Variants in KAZN observed in about 807,000 individuals in gnomAD.
KAZN encodes the protein kazrin, periplakin interacting protein.
Under a neutral mutation model 87.4 loss-of-function variants are expected in KAZN, and 40 were observed. That is an observed-to-expected ratio of 0.46 (90% CI 0.36 to 0.60). KAZN has a LOEUF of 0.60. Ranked by LOEUF, KAZN falls within the 20% of genes least tolerant of loss-of-function variation. The pLI is 0.00. For synonymous variants in KAZN, 466 were observed against 458.3 expected, an observed-to-expected ratio of 1.02 and a Z score of -0.22; for missense variants, 898 against 1,073.9, an observed-to-expected ratio of 0.84 and a Z score of 2.29.
intron 1 of KAZN, among the ~76,000 whole-genome samples, chr1:14,086,261 G>A (rs1465520540): frequency 6.6e-6 from 1 of 152,194 alleles, no homozygotes; most frequent in East Asian, 1.9e-4. Flanking sequence ...AGGTAAACGT[G>A]TGCCATGGTG....
chr1:14,099,864 G>A (rs2101640921), intron 1 of KAZN, among the ~76,000 whole-genome samples: 1 of 152,312 alleles, frequency 6.6e-6, no homozygotes, highest in African/African-American at 2.4e-5. Flanking sequence ...TCTGGCTCAT[G>A]TTAATTGGAC....
chr1:14,275,191 C>T (rs1652251895), intron 2 of KAZN, among the ~76,000 whole-genome samples: 1 of 152,132 alleles, frequency 6.6e-6, no homozygotes, highest in Non-Finnish European at 1.5e-5. Flanking sequence ...CTCTCCCCAC[C>T]AGGGAAGCGA....
chr1:13,938,829 T>C (rs539984408), intron 1 of KAZN, among the ~76,000 whole-genome samples: 13 of 152,348 alleles, frequency 8.5e-5, no homozygotes, highest in Admixed American at 3.3e-4. Flanking sequence ...CTTAACACCA[T>C]GTGGAAGTTG....
At chr1:14,616,145 G>A (rs898498149) in intron 1 of KAZN, among the ~76,000 whole-genome samples, 3 of 152,226 alleles carry the variant, frequency 2.0e-5, no homozygotes, top group African/African-American at 7.2e-5. Context: ...TTACTTTGCA[G>A]TTGGAGAAAC....
intron 1 of KAZN, among the ~76,000 whole-genome samples, chr1:14,794,470 A>G (rs1391138087): frequency 6.6e-6 from 1 of 152,064 alleles, no homozygotes; most frequent in African/African-American, 2.4e-5. Context: ...CCCCTACTAA[A>G]TGGGTGTAGC....
intron 2 of KAZN, among the ~76,000 whole-genome samples, chr1:14,270,046 A>G (rs2100679480): frequency 6.6e-6 from 1 of 152,276 alleles, no homozygotes; most frequent in South Asian, 2.1e-4. Flanking sequence ...GCCATTCATG[A>G]GAGATGCACC....
chr1:14,883,342 GAAA>G (rs1653588676), intron 1 of KAZN, among the ~76,000 whole-genome samples: 1 of 33,462 alleles, frequency 3.0e-5, no homozygotes, highest in African/African-American at 9.3e-5. Flanking sequence ...GAGAGAGAGA[GAAA>G]GAAAGAAAGA....
intron 1 of KAZN, among the ~76,000 whole-genome samples, chr1:14,763,559 G>T (rs1644802489): frequency 6.6e-6 from 1 of 152,168 alleles, no homozygotes; most frequent in Admixed American, 6.6e-5. Context: ...TTCTTCTGGG[G>T]CCTGATTTCA....
intron 2 of KAZN, among the ~76,000 whole-genome samples, chr1:14,480,791 A>T (rs1202768088): frequency 1.4e-5 from 2 of 146,248 alleles, no homozygotes; most frequent in Non-Finnish European, 3.0e-5. Context: ...AATATATATA[A>T]AATGTAATTT....
At chr1:14,087,946 G>A (rs954821626) in intron 1 of KAZN, among the ~76,000 whole-genome samples, 4 of 149,694 alleles carry the variant, frequency 2.7e-5, no homozygotes, top group Admixed American at 6.6e-5. Context: ...TTTGGTATTA[G>A]GGTAATGGTG....
chr1:14,093,683 A>G (rs556285490), intron 1 of KAZN, among the ~76,000 whole-genome samples: 1 of 152,310 alleles, frequency 6.6e-6, no homozygotes, highest in South Asian at 2.1e-4. Flanking sequence ...AAAACTGACA[A>G]TAGACAGTTT....
intron 1 of KAZN, among the ~76,000 whole-genome samples, chr1:14,152,540 C>T (rs149726401): frequency 6.6e-6 from 1 of 152,302 alleles, no homozygotes; most frequent in African/African-American, 2.4e-5. Context: ...TTATGGCTAA[C>T]TCGTACTCCA....
chr1:14,187,133 A>G (rs1646325554), intron 2 of KAZN, among the ~76,000 whole-genome samples: 2 of 152,026 alleles, frequency 1.3e-5, no homozygotes, highest in African/African-American at 4.8e-5. Flanking sequence ...AGCCTTTTTT[A>G]CATTGTTCCA....
intron 2 of KAZN, among the ~76,000 whole-genome samples, chr1:14,526,088 A>G (rs937795648): frequency 3.6e-4 from 55 of 152,334 alleles, no homozygotes; most frequent in African/African-American, 1.3e-3. Context: ...ATCAACATTT[A>G]TGATACCATT....
chr1:14,095,210 C>T (rs1570726030), intron 1 of KAZN, among the ~76,000 whole-genome samples: 2 of 152,174 alleles, frequency 1.3e-5, no homozygotes, highest in East Asian at 3.8e-4. Flanking sequence ...CAGTATTTCC[C>T]TTGGCTGAGA....
At chr1:14,559,038 T>C (rs1203794844) in intron 2 of KAZN, among the ~76,000 whole-genome samples, 1 of 152,154 alleles carries the variant, frequency 6.6e-6, no homozygotes, top group Non-Finnish European at 1.5e-5. Context: ...TGAAATGAAA[T>C]GTAACCCAAG....
intron 2 of KAZN, among the ~76,000 whole-genome samples, chr1:14,492,668 A>ACACACACCATGCACATACCACAAAC (rs1669718113): frequency 2.5e-3 from 1 of 404 alleles, no homozygotes; most frequent in Non-Finnish European, 5.0e-3. Context: ...CACCACAAAT[A>ACACACACCATGCACATACCACAAAC]CACACTACAC....
intron 2 of KAZN, among the ~76,000 whole-genome samples, chr1:15,029,835 C>T (rs1248235458): frequency 6.6e-6 from 1 of 152,190 alleles, no homozygotes; most frequent in Non-Finnish European, 1.5e-5. Context: ...TGTAAATCCC[C>T]CAGGGAGCCC....
At chr1:14,794,285 C>T (rs1395115881) in intron 1 of KAZN, among the ~76,000 whole-genome samples, 1 of 152,148 alleles carries the variant, frequency 6.6e-6, no homozygotes, top group Non-Finnish European at 1.5e-5. Flanking sequence ...TGTGGAAATC[C>T]CTAAAAATTC....
Sources: gnomAD v4.1 joint callset for allele counts (sites outside exome capture counted in the v4.1 genomes callset) on GRCh38, gnomAD v4.1.1 for gene constraint, MANE v1.5 for transcripts, NCBI Gene and HGNC (gene_info 2026-07-23, HGNC 2026-07-21) for gene names.